The following OOSP4A variants were observed in gnomAD, a reference collection of about 807,000 sequenced individuals.
OOSP4A encodes the protein oocyte secreted protein family member 4A.
intron 2 of OOSP4A, among the ~76,000 whole-genome samples, chr11:59,966,568 C>T (rs1312586946): frequency 1.3e-5 from 2 of 151,972 alleles, no homozygotes; most frequent in Non-Finnish European, 2.9e-5. Context: ...CTCCACCTCC[C>T]GTGTTCAAGC....
At chr11:59,967,375 T>G (rs1397680362) in intron 3 of OOSP4A, among the ~76,000 whole-genome samples, 1 of 152,204 alleles carries the variant, frequency 6.6e-6, no homozygotes, top group Non-Finnish European at 1.5e-5. Context: ...AGTTGTTATA[T>G]GAGAATTGAA....
intron 1 of OOSP4A, 97 bp from the exon 2 acceptor site, chr11:59,965,437 TG>T (rs1440771657): frequency 2.5e-6 from 1 of 397,152 alleles, no homozygotes; most frequent in East Asian, 3.6e-5. Context: ...ACTCTACAGT[TG>T]GGGATTCAGC....
chr11:59,964,087 G>T (rs1241197979), exon 1 of OOSP4A: 1 of 396,714 alleles, frequency 2.5e-6, no homozygotes, highest in South Asian at 1.3e-4. Flanking sequence ...GTTGATTCAT[G>T]GTCTCCAAGA....
chr11:59,964,070 T>C (rs1854069471), exon 1 of OOSP4A: 1 of 398,234 alleles, frequency 2.5e-6, no homozygotes. Flanking sequence ...CTCCTCATGC[T>C]TTTCGAGTTG....
intron 3 of OOSP4A, among the ~76,000 whole-genome samples, chr11:59,968,329 AG>A (rs1209304910): frequency 3.3e-5 from 5 of 152,154 alleles, no homozygotes; most frequent in Admixed American, 2.0e-4. Context: ...GTTCTTAGAA[AG>A]GGGGTGGTCA....
intron 2 of OOSP4A, among the ~76,000 whole-genome samples, chr11:59,966,104 A>T (rs1187635032): frequency 6.6e-6 from 1 of 152,108 alleles, no homozygotes; most frequent in Non-Finnish European, 1.5e-5. Flanking sequence ...AAAATGGGGT[A>T]TATCAGTTTA....
chr11:59,970,195 T>C (rs1333606184), downstream of OOSP4A: 2 of 397,020 alleles, frequency 5.0e-6, no homozygotes, highest in Non-Finnish European at 8.9e-6. Context: ...GTTGGACTAG[T>C]CACTGGATAT....
At chr11:59,968,228 C>A (rs1034398129) in intron 3 of OOSP4A, among the ~76,000 whole-genome samples, 1 of 152,152 alleles carries the variant, frequency 6.6e-6, no homozygotes, top group Non-Finnish European at 1.5e-5. Flanking sequence ...TTACATGGTG[C>A]AATTGTGGTC....
At chr11:59,968,009 A>T (rs1254258608) in intron 3 of OOSP4A, among the ~76,000 whole-genome samples, 1 of 152,188 alleles carries the variant, frequency 6.6e-6, no homozygotes, top group African/African-American at 2.4e-5. Flanking sequence ...TCCTTCTCAT[A>T]AGTGAAAATC....
chr11:59,969,073 TCCA>T, intron 3 of OOSP4A, 74 bp from the exon 4 acceptor site: 1 of 396,716 alleles, frequency 2.5e-6, no homozygotes, highest in Non-Finnish European at 4.4e-6. Context: ...TTAGTTTTTC[TCCA>T]CATTTCAACT....
At chr11:59,965,792 T>C (rs1433528243) in intron 2 of OOSP4A, 79 bp downstream of exon 2, 1 of 397,246 alleles carries the variant, frequency 2.5e-6, no homozygotes, top group African/African-American at 2.1e-5. Flanking sequence ...AAAACTGCAG[T>C]ATTCACATTT....
chr11:59,967,205 T>C (rs1415165832), intron 3 of OOSP4A, 41 bp downstream of exon 3: 1 of 397,340 alleles, frequency 2.5e-6, no homozygotes, highest in African/African-American at 2.1e-5. Flanking sequence ...TATCTAATAT[T>C]ATTTTTGCCT....
chr11:59,964,254 A>C (rs1477196482), intron 1 of OOSP4A, among the ~76,000 whole-genome samples, 155 bp downstream of exon 1: 1 of 148,738 alleles, frequency 6.7e-6, no homozygotes, highest in African/African-American at 2.6e-5. Context: ...TTACAGCCAG[A>C]CTAGTTTTAT....
At chr11:59,969,332 A>G (rs1189029658) in intron 4 of OOSP4A, 48 bp downstream of exon 4, 2 of 397,732 alleles carry the variant, frequency 5.0e-6, no homozygotes, top group African/African-American at 2.1e-5. Context: ...GTACATTTAT[A>G]TAAAAAAGGC....
Position 59,966,763 on chromosome 11 carries a change from C to A in OOSP4A, c.247-304C>A, listed in dbSNP as rs113921857. 3.3e-5 allele frequency among the ~76,000 whole-genome samples: 5 copies of A among 152,080 alleles called. No homozygotes were observed. The East Asian group carries it at 5.8e-4, about 18-fold the overall frequency. On this transcript the variant is annotated intron_variant, in intron 2 of 4. Transcript: ENST00000645590. Reference sequence around the variant, plus strand: ...CGCTGGGATTACAGGTGTGAGCCAACGTGCCTGGCCCAGACCTTGACTGTT... The same window carrying A: ...CGCTGGGATTACAGGTGTGAGCCAAAGTGCCTGGCCCAGACCTTGACTGTT...
At chr11:59,967,003 A>G (rs1306408212) in intron 2 of OOSP4A, 64 bp from the exon 3 acceptor site, 1 of 395,926 alleles carries the variant, frequency 2.5e-6, no homozygotes, top group Non-Finnish European at 4.5e-6. Context: ...ATATTTTTAA[A>G]ATGGAATTTG....
exon 2 of OOSP4A, chr11:59,965,576 A>G (rs1032761899): frequency 2.5e-6 from 1 of 398,540 alleles, no homozygotes; most frequent in African/African-American, 2.1e-5. Flanking sequence ...GGTCAAACTT[A>G]GACGAACGCC....
chr11:59,968,223 T>C (rs1204970205), intron 3 of OOSP4A, among the ~76,000 whole-genome samples: 1 of 152,234 alleles, frequency 6.6e-6, no homozygotes, highest in African/African-American at 2.4e-5. Flanking sequence ...CATGGTTACA[T>C]GGTGCAATTG....
chr11:59,966,928 T>C (rs921483740), intron 2 of OOSP4A, 139 bp from the exon 3 acceptor site: 3 of 367,226 alleles, frequency 8.2e-6, no homozygotes, highest in Non-Finnish European at 1.4e-5. Flanking sequence ...TTGTAGACCG[T>C]GCACTCATAC....
Sources: gnomAD v4.1 joint callset for allele counts (sites outside exome capture counted in the v4.1 genomes callset) on GRCh38, gnomAD v4.1.1 for gene constraint, MANE v1.5 for transcripts, NCBI Gene and HGNC (gene_info 2026-07-23, HGNC 2026-07-21) for gene names.